The following GRM8 variants were observed in gnomAD, a reference collection of about 807,000 sequenced individuals.
The protein encoded by GRM8 is metabotropic glutamate receptor 8.
Under a neutral mutation model 87.2 loss-of-function variants are expected in GRM8, and 47 were observed. The observed-to-expected ratio is 0.54, with a 90% CI of 0.43 to 0.69. GRM8 has a LOEUF of 0.69. Among genes scored for constraint, GRM8 ranks in the 30% least tolerant of loss-of-function variants. The pLI is 0.00. For synonymous variants in GRM8, 396 were observed against 404.5 expected, an observed-to-expected ratio of 0.98 and a Z score of 0.25; for missense variants, 1,019 against 1,139.2, an observed-to-expected ratio of 0.89 and a Z score of 1.52.
At chr7:127,008,085 C>T (rs886288384) in intron 3 of GRM8, among the ~76,000 whole-genome samples, 8 of 151,840 alleles carry the variant, frequency 5.3e-5, no homozygotes, top group African/African-American at 1.9e-4. Context: ...GACAAGCAAG[C>T]AGAGGAAAGT....
chr7:126,510,185 C>T (rs1040835181), intron 9 of GRM8, among the ~76,000 whole-genome samples: 2 of 151,820 alleles, frequency 1.3e-5, no homozygotes, highest in Non-Finnish European at 2.9e-5. Context: ...CTAAGTTCTT[C>T]CCTAAATAAT....
intron 3 of GRM8, among the ~76,000 whole-genome samples, chr7:127,065,636 G>A (rs913751653): frequency 1.3e-5 from 2 of 152,218 alleles, no homozygotes; most frequent in Non-Finnish European, 2.9e-5. Flanking sequence ...GAGGATGTCA[G>A]AGGGCTGTGG....
At chr7:126,586,671 A>C (rs1213689351) in intron 8 of GRM8, among the ~76,000 whole-genome samples, 1 of 152,248 alleles carries the variant, frequency 6.6e-6, no homozygotes, top group Non-Finnish European at 1.5e-5. Context: ...ACCTTATACA[A>C]AAATTAAATC....
chr7:126,514,324 G>A (rs1811862266), intron 9 of GRM8, among the ~76,000 whole-genome samples: 1 of 152,130 alleles, frequency 6.6e-6, no homozygotes, highest in Non-Finnish European at 1.5e-5. Flanking sequence ...CAATAAAGCT[G>A]TAGTGAATGC....
chr7:127,225,052 G>A (rs1169165318), intron 2 of GRM8, among the ~76,000 whole-genome samples: 1 of 152,152 alleles, frequency 6.6e-6, no homozygotes, highest in African/African-American at 2.4e-5. Flanking sequence ...ATCAAAATTG[G>A]ATTCTATAAA....
rs145201253 is a variant in GRM8 at position 127,001,286 on chromosome 7, T to A, written c.728-96603A>T. 1.7e-3 allele frequency among the ~76,000 whole-genome samples: 258 copies of A among 151,546 alleles called. 2 individuals are homozygous for A. The highest frequency in any genetic ancestry group is 6.1e-3 in the African/African-American group (252 of 41,414). ...CAATTACAGACCTAAATGTAAAAAA[T>A]CTCCTAAAAGGAGAAAACTTTGCAA... On this transcript the variant is annotated intron_variant, in intron 3 of 10. Transcript: ENST00000339582.
intron 3 of GRM8, among the ~76,000 whole-genome samples, chr7:126,920,399 G>A (rs542966533): frequency 6.6e-6 from 1 of 152,274 alleles, no homozygotes. Context: ...GGGAAAAGAG[G>A]AGAGAAATGT....
intron 6 of GRM8, among the ~76,000 whole-genome samples, chr7:126,832,636 C>T (rs1795500504): frequency 6.6e-6 from 1 of 152,154 alleles, no homozygotes; most frequent in African/African-American, 2.4e-5. Flanking sequence ...CAGTATAAAA[C>T]TACTGTTACA....
intron 8 of GRM8, among the ~76,000 whole-genome samples, chr7:126,583,118 G>A (rs1795764347): frequency 6.6e-6 from 1 of 152,176 alleles, no homozygotes; most frequent in African/African-American, 2.4e-5. Context: ...CACTTTGGGA[G>A]GCTAAGGCGG....
Position 127,242,895 on chromosome 7 carries a change from C to T in GRM8, c.310G>A (p.Asp104Asn), listed in dbSNP as rs147289844. The T allele has an allele frequency of 7.4e-6, 12 of 1,613,892 alleles. No homozygotes were observed. The highest frequency in any genetic ancestry group is 7.6e-6 in the Non-Finnish European group (9 of 1,179,940). The change falls in exon 2 of 11, where the codon GAC (aspartate) becomes AAC (asparagine). Residue 104 changes from aspartate to asparagine, a missense_variant. By Grantham distance (23) the Asp-to-Asn change is conservative. Coordinates refer to ENST00000339582, the MANE Select transcript of GRM8 (RefSeq NM_000845.3). ...GCATAGGTGTCCCTAGAGCACGTGT[C>T]GAGGATGCGGACACCCAGAGTGATG... ...SNITLGVRIL[D>N]TCSRDTYALE... is the part of the protein sequence containing the mutation.
At chr7:126,961,576 G>T (rs959231085) in intron 3 of GRM8, among the ~76,000 whole-genome samples, 1 of 152,164 alleles carries the variant, frequency 6.6e-6, no homozygotes, top group Non-Finnish European at 1.5e-5. Context: ...CTCTGCTTAA[G>T]TGGCCTGCTG....
At chr7:127,158,057 G>A (rs1229695865) in intron 2 of GRM8, among the ~76,000 whole-genome samples, 1 of 152,162 alleles carries the variant, frequency 6.6e-6, no homozygotes, top group Non-Finnish European at 1.5e-5. Flanking sequence ...TCAAAGATGG[G>A]TGGAGGCTGA....
intron 3 of GRM8, among the ~76,000 whole-genome samples, chr7:126,913,744 C>G (rs1165655078): frequency 6.6e-6 from 1 of 152,172 alleles, no homozygotes; most frequent in Non-Finnish European, 1.5e-5. Context: ...TGTAATCACG[C>G]CTCCTGTAAC....
At chr7:127,126,577 A>G (rs1344406869) in intron 2 of GRM8, among the ~76,000 whole-genome samples, 1 of 152,016 alleles carries the variant, frequency 6.6e-6, no homozygotes, top group Non-Finnish European at 1.5e-5. Context: ...ACCACTATAT[A>G]ATATGTCCAT....
At chr7:126,447,952 T>A (rs1197792514) in intron 9 of GRM8, among the ~76,000 whole-genome samples, 1 of 151,986 alleles carries the variant, frequency 6.6e-6, no homozygotes, top group Non-Finnish European at 1.5e-5. Context: ...ACCATCCCAA[T>A]GAAATAGGGA....
At chr7:126,925,227 T>C (rs1804968362) in intron 3 of GRM8, among the ~76,000 whole-genome samples, 1 of 152,214 alleles carries the variant, frequency 6.6e-6, no homozygotes, top group Non-Finnish European at 1.5e-5. Flanking sequence ...TTTGCATGGG[T>C]GCCACAGCAC....
At chr7:126,971,972 C>T (rs537593570) in intron 3 of GRM8, among the ~76,000 whole-genome samples, 1 of 152,294 alleles carries the variant, frequency 6.6e-6, no homozygotes, top group East Asian at 1.9e-4. Flanking sequence ...ATTTATAAGA[C>T]ACCAATCTGC....
At chr7:126,893,452 T>C (rs1801255493) in intron 6 of GRM8, among the ~76,000 whole-genome samples, 1 of 152,024 alleles carries the variant, frequency 6.6e-6, no homozygotes, top group Admixed American at 6.6e-5. Flanking sequence ...GCTTTTCCTT[T>C]TATTAAAAAA....
intron 3 of GRM8, among the ~76,000 whole-genome samples, chr7:126,970,481 C>G (rs945519965): frequency 6.6e-6 from 1 of 152,202 alleles, no homozygotes; most frequent in African/African-American, 2.4e-5. Flanking sequence ...CTTCACCTCT[C>G]TCCCTTCCTT....
Sources: allele counts gnomAD v4.1 joint callset (sites outside exome capture counted in the v4.1 genomes callset), GRCh38; gene constraint gnomAD v4.1.1; transcripts MANE v1.5; gene names NCBI Gene and HGNC (gene_info 2026-07-23, HGNC 2026-07-21).